The following KCNG3 variants were observed in gnomAD, a reference collection of about 807,000 sequenced individuals.
The protein encoded by KCNG3 is potassium voltage-gated channel modifier subfamily G member 3, also known as voltage-gated potassium channel regulatory subunit KCNG3.
KCNG3 carries 15 observed loss-of-function variants against 29.0 expected under a neutral mutation model. The observed-to-expected ratio is 0.52, with a 90% CI of 0.35 to 0.80. The LOEUF is 0.80. Among genes scored for constraint, KCNG3 ranks in the 30% least tolerant of loss-of-function variants. The probability of loss-of-function intolerance (pLI) is 0.01; values close to 1 mark genes in which losing one functional copy is unlikely to be tolerated. For missense variants in KCNG3, 512 were observed against 605.7 expected (o/e 0.85, Z 1.62); for synonymous variants, 322 against 248.9 (o/e 1.29, Z -2.76).
the KCNG3 span, among the ~76,000 whole-genome samples, chr2:42,432,351 T>C: frequency 6.6e-6 from 1 of 152,260 alleles, no homozygotes; most frequent in East Asian, 1.9e-4. Flanking sequence ...TCAGTGGTAC[T>C]TGTGCTCACT....
the KCNG3 span, among the ~76,000 whole-genome samples, chr2:42,413,023 G>A: frequency 9.2e-5 from 14 of 152,248 alleles, no homozygotes; most frequent in Non-Finnish European, 1.5e-4. Context: ...AGGCTGGAGT[G>A]CAGTGGTGCA....
the KCNG3 span, among the ~76,000 whole-genome samples, chr2:42,398,260 T>TAAATAAATAAATAAATAAATA: frequency 2.4e-5 from 3 of 124,090 alleles, no homozygotes; most frequent in East Asian, 2.2e-4. Flanking sequence ...AATAAATAAA[T>TAAATAAATAAATAAATAAATA]AAATAAAATA....
Position 42,444,495 on chromosome 2 carries a change from G to C in KCNG3, c.750C>G (p.Val250=). 1 of 1,614,134 alleles carries C rather than the reference G, an allele frequency of 6.2e-7. No homozygotes were observed. Among genetic ancestry groups the C allele is most frequent in the Non-Finnish European group, 8.5e-7 (1 of 1,180,034 alleles). Residue 250 remains valine (V), a synonymous_variant, in exon 2 of 2, where the codon GTC becomes GTG. Transcript: ENST00000306078. The surrounding 1 kb of genome is among the most constrained non-coding windows in gnomAD (Gnocchi z 5.8). ...FIVSKNKCEF[V]KRPLNIIDLL... ...AATCAATGATGTTCAGGGGTCTCTT[G>C]ACAAACTCACACTTGTTTTTGGAGA... is the stretch of plus-strand genomic sequence containing the variant.
intron 1 of KCNG3, among the ~76,000 whole-genome samples, chr2:42,487,635 A>G (rs1408178415): frequency 3.3e-5 from 5 of 152,196 alleles, no homozygotes; most frequent in Non-Finnish European, 7.3e-5. Flanking sequence ...ATGCAGAAAC[A>G]CGCTCTCTCC....
rs527338475 is a variant in KCNG3, at chr2:42,466,335, G to A, written c.666-21756C>T. Among the ~76,000 whole-genome samples the A allele has an allele frequency of 1.3e-3, 197 of 152,288 alleles. 1 individual carries two copies. The highest frequency in any genetic ancestry group is 4.6e-3 in the African/African-American group (192 of 41,552). On this transcript the variant is annotated intron_variant, in intron 1 of 1. Coordinates refer to ENST00000306078, the MANE Select transcript of KCNG3 (RefSeq NM_133329.6). ...GCAGGAGAATCGCTTGAAACCAGGA[G>A]GCGGAGGTTGCAGTGAGCCAAGATC...
chr2:42,454,718 A>G (rs1672839020), intron 1 of KCNG3, among the ~76,000 whole-genome samples: 1 of 152,200 alleles, frequency 6.6e-6, no homozygotes, highest in Non-Finnish European at 1.5e-5. Context: ...AAAAGAAAAA[A>G]AAAAAGAAAG....
Position 42,442,992 on chromosome 2 carries a change from C to T in KCNG3, c.*942G>A, listed in dbSNP as rs1349623050. The stretch of plus-strand genomic sequence containing the variant: ...ACAACACGTAAGTATGACTTTGCTA[C>T]TAAAAGGCTATATAAATATCCTTTC... On this transcript the variant is annotated 3_prime_UTR_variant, in exon 2 of 2. Coordinates refer to ENST00000306078, the MANE Select transcript of KCNG3 (RefSeq NM_133329.6). 1 of 152,114 alleles carries T rather than the reference C, an allele frequency of 6.6e-6. No individual in the cohort carries two copies. Among genetic ancestry groups the T allele is most frequent in the African/African-American group, 2.4e-5 (1 of 41,432 alleles). 9.4% of individuals were successfully genotyped at this position (152,114 alleles called of 1,614,324 possible).
chr2:42,405,474 T>C, the KCNG3 span, among the ~76,000 whole-genome samples: 1 of 151,884 alleles, frequency 6.6e-6, no homozygotes, highest in African/African-American at 2.4e-5. Flanking sequence ...CGTCTCACTC[T>C]GTTTCCCAGG....
intron 1 of KCNG3, among the ~76,000 whole-genome samples, chr2:42,477,372 T>TACAC (rs1558386554): frequency 9.8e-6 from 1 of 101,728 alleles, no homozygotes; most frequent in East Asian, 4.3e-4. Flanking sequence ...TACATATATA[T>TACAC]ACACACACAT....
At chr2:42,436,002 A>G in the KCNG3 span, among the ~76,000 whole-genome samples, 1 of 152,252 alleles carries the variant, frequency 6.6e-6, no homozygotes, top group African/African-American at 2.4e-5. Flanking sequence ...CAACTGATGC[A>G]TGGATAAATA....
chr2:42,475,735 T>C (rs1241425234), intron 1 of KCNG3, among the ~76,000 whole-genome samples: 1 of 151,916 alleles, frequency 6.6e-6, no homozygotes, highest in African/African-American at 2.4e-5. Flanking sequence ...AGGATGCAAT[T>C]GATCAAAACA....
At chr2:42,431,383 T>G in the KCNG3 span, among the ~76,000 whole-genome samples, 1 of 152,186 alleles carries the variant, frequency 6.6e-6, no homozygotes, top group Non-Finnish European at 1.5e-5. Context: ...TCTTGAATCA[T>G]AACTCCGTTA....
At chr2:42,425,498 G>A in the KCNG3 span, among the ~76,000 whole-genome samples, 2 of 152,062 alleles carry the variant, frequency 1.3e-5, no homozygotes, top group South Asian at 2.1e-4. Context: ...AGGGATGATG[G>A]GGAGTGGGAG....
the KCNG3 span, among the ~76,000 whole-genome samples, chr2:42,412,486 T>C: frequency 2.6e-5 from 4 of 152,170 alleles, no homozygotes; most frequent in African/African-American, 9.7e-5. Flanking sequence ...CAGACATCGA[T>C]TTTTTAGATA....
chr2:42,480,478 A>G (rs937312169), intron 1 of KCNG3, among the ~76,000 whole-genome samples: 1 of 152,224 alleles, frequency 6.6e-6, no homozygotes, highest in African/African-American at 2.4e-5. Flanking sequence ...TTCAGGCCAT[A>G]CAGTTTCTAT....
intron 1 of KCNG3, among the ~76,000 whole-genome samples, chr2:42,468,904 A>G (rs556497397): frequency 7.6e-6 from 1 of 130,856 alleles, no homozygotes; most frequent in South Asian, 2.7e-4. Flanking sequence ...CAGTGAGTCG[A>G]GATCATGCCA....
At chr2:42,401,520 C>T in the KCNG3 span, among the ~76,000 whole-genome samples, 3 of 151,972 alleles carry the variant, frequency 2.0e-5, no homozygotes, top group Non-Finnish European at 4.4e-5. Flanking sequence ...CAGCTCACTG[C>T]AGCCTCAACC....
chr2:42,470,454 G>T lies in KCNG3; in HGVS notation c.665+22383C>A, dbSNP rs190056558. Reference sequence around the variant, plus strand: ...CGAGGTCCGTACAGGAGGAATGCAGGAGTTCAAGACCAGCCTGTGCAACAT... The same window carrying T: ...CGAGGTCCGTACAGGAGGAATGCAGTAGTTCAAGACCAGCCTGTGCAACAT... On this transcript the variant is annotated intron_variant, in intron 1 of 1. Coordinates refer to ENST00000306078, the MANE Select transcript of KCNG3 (RefSeq NM_133329.6). 6.4e-3 allele frequency among the ~76,000 whole-genome samples: 980 copies of T among 152,258 alleles called. 9 individuals carry two copies. Among genetic ancestry groups the T allele is most frequent in the African/African-American group, 0.023 (944 of 41,552 alleles).
At chr2:42,472,208 T>C (rs938538725) in intron 1 of KCNG3, among the ~76,000 whole-genome samples, 1 of 152,164 alleles carries the variant, frequency 6.6e-6, no homozygotes, top group African/African-American at 2.4e-5. Flanking sequence ...AAAATTTCTG[T>C]GAACAAAAGA....
Sources: gnomAD v4.1 joint callset for allele counts (sites outside exome capture counted in the v4.1 genomes callset) on GRCh38, gnomAD v4.1.1 for gene constraint, Gnocchi (gnomAD v3.1) non-coding constraint, MANE v1.5 for transcripts, NCBI Gene and HGNC (gene_info 2026-07-23, HGNC 2026-07-21) for gene names.